The following MECOM variants were observed in gnomAD, a reference collection of about 807,000 sequenced individuals.
MECOM encodes the protein MDS1 and EVI1 complex locus, also known as histone-lysine N-methyltransferase MECOM.
A neutral mutation model predicts 116.3 loss-of-function variants in MECOM; 13 were observed. The ratio of observed to expected loss-of-function variants is 0.11; its 90% CI spans 0.07 to 0.18. The LOEUF (loss-of-function observed/expected upper bound fraction) is 0.18. Ranked by LOEUF, MECOM falls within the 10% of genes least tolerant of loss-of-function variation. The probability of loss-of-function intolerance (pLI) is 1.00; values close to 1 mark genes in which losing one functional copy is unlikely to be tolerated. For missense variants in MECOM, 1,299 were observed against 1,509.0 expected, an observed-to-expected ratio of 0.86 and a Z score of 2.31; for synonymous variants, 528 against 535.2, an observed-to-expected ratio of 0.99 and a Z score of 0.19.
chr3:169,355,040 T>C (rs776835990), intron 2 of MECOM, among the ~76,000 whole-genome samples: 1 of 151,900 alleles, frequency 6.6e-6, no homozygotes, highest in Non-Finnish European at 1.5e-5. Context: ...GCTGACTGAA[T>C]TAAAAGAACA....
intron 2 of MECOM, among the ~76,000 whole-genome samples, chr3:169,199,534 C>G (rs920117756): frequency 5.3e-5 from 8 of 152,054 alleles, no homozygotes; most frequent in African/African-American, 1.9e-4. Context: ...CTGCCTAAGC[C>G]TCTTGAAGTG....
intron 1 of MECOM, among the ~76,000 whole-genome samples, chr3:169,568,222 C>T (rs1313869335): frequency 6.6e-6 from 1 of 152,206 alleles, no homozygotes; most frequent in Non-Finnish European, 1.5e-5. Flanking sequence ...TCTTCACAAC[C>T]CGCAGACCAG....
chr3:169,111,896 CTT>C (rs1727528871), intron 9 of MECOM, among the ~76,000 whole-genome samples: 2 of 151,750 alleles, frequency 1.3e-5, no homozygotes, highest in African/African-American at 4.9e-5. Context: ...CTTGCATAAA[CTT>C]CCCCTGATTT....
chr3:169,549,417 A>C (rs79981482), intron 1 of MECOM, among the ~76,000 whole-genome samples: 3 of 151,384 alleles, frequency 2.0e-5, no homozygotes, highest in Non-Finnish European at 4.4e-5. Context: ...AAAAAAAAAA[A>C]AGCTTTCTGG....
chr3:169,576,838 C>CACACACAGAGAG (rs368016499), intron 1 of MECOM, among the ~76,000 whole-genome samples: 7 of 125,112 alleles, frequency 5.6e-5, no homozygotes, highest in East Asian at 2.7e-4. Flanking sequence ...CACACACACA[C>CACACACAGAGAG]AGAGAGAGAG....
intron 1 of MECOM, among the ~76,000 whole-genome samples, chr3:169,382,879 A>AAAAAAAAAAAAAAG (rs1358767356): frequency 9.4e-5 from 13 of 138,508 alleles, no homozygotes; most frequent in African/African-American, 1.6e-4. Flanking sequence ...AAAAATAAAA[A>AAAAAAAAAAAAAAG]AAGAAGGTAA....
At chr3:169,224,301 G>T (rs2149505266) in intron 2 of MECOM, among the ~76,000 whole-genome samples, 1 of 152,324 alleles carries the variant, frequency 6.6e-6, no homozygotes, top group South Asian at 2.1e-4. Context: ...GCCTGGCAGT[G>T]ATAGAGCATG....
intron 1 of MECOM, among the ~76,000 whole-genome samples, chr3:169,505,198 A>T (rs1162171465): frequency 6.6e-6 from 1 of 152,072 alleles, no homozygotes; most frequent in East Asian, 1.9e-4. Flanking sequence ...TACTACTATC[A>T]ATTAAGATAA....
intron 1 of MECOM, among the ~76,000 whole-genome samples, chr3:169,388,499 A>G (rs1391215906): frequency 1.3e-5 from 2 of 152,202 alleles, no homozygotes; most frequent in Non-Finnish European, 2.9e-5. Context: ...TTAAGATCCC[A>G]AAGAAACGAA....
chr3:169,191,418 G>C (rs1204228029), intron 2 of MECOM, among the ~76,000 whole-genome samples: 2 of 151,894 alleles, frequency 1.3e-5, no homozygotes, highest in African/African-American at 4.8e-5. Flanking sequence ...GATGAAGGCA[G>C]GTCTACGTTG....
intron 2 of MECOM, among the ~76,000 whole-genome samples, chr3:169,341,349 A>AC (rs1724468769): frequency 6.6e-6 from 1 of 150,450 alleles, no homozygotes; most frequent in Non-Finnish European, 1.5e-5. Flanking sequence ...AATCAAAACA[A>AC]TTGAACTCAT....
At chr3:169,232,137 C>A (rs779263924) in intron 2 of MECOM, among the ~76,000 whole-genome samples, 1 of 152,148 alleles carries the variant, frequency 6.6e-6, no homozygotes, top group African/African-American at 2.4e-5. Flanking sequence ...TTTCTGATCA[C>A]GTGAGAAGGC....
At chr3:169,540,683 C>T (rs1217752134) in intron 1 of MECOM, among the ~76,000 whole-genome samples, 1 of 152,102 alleles carries the variant, frequency 6.6e-6, no homozygotes, top group Non-Finnish European at 1.5e-5. Flanking sequence ...TAAGCCCATC[C>T]CCAGGTGCTG....
At chr3:169,407,175 C>T (rs751484681) in intron 1 of MECOM, among the ~76,000 whole-genome samples, 4 of 152,028 alleles carry the variant, frequency 2.6e-5, no homozygotes, top group Non-Finnish European at 5.9e-5. Context: ...ATAGTTCCAT[C>T]GCTCCCACCA....
intron 2 of MECOM, among the ~76,000 whole-genome samples, chr3:169,211,571 G>T (rs1481197714): frequency 6.6e-6 from 1 of 152,056 alleles, no homozygotes; most frequent in East Asian, 1.9e-4. Flanking sequence ...TCACAGATTT[G>T]CATGGCTCAA....
At chr3:169,370,311 A>G (rs576216138) in intron 2 of MECOM, among the ~76,000 whole-genome samples, 2 of 152,010 alleles carry the variant, frequency 1.3e-5, no homozygotes, top group Admixed American at 6.6e-5. Flanking sequence ...AGAAAACTGA[A>G]TATCTAACGC....
intron 1 of MECOM, among the ~76,000 whole-genome samples, chr3:169,568,435 C>T (rs898991869): frequency 6.6e-6 from 1 of 152,028 alleles, no homozygotes; most frequent in African/African-American, 2.4e-5. Context: ...GCAGATCCCA[C>T]CCCCAGAAAG....
At chr3:169,388,994 G>A (rs983851160) in intron 1 of MECOM, among the ~76,000 whole-genome samples, 6 of 152,134 alleles carry the variant, frequency 3.9e-5, no homozygotes, top group East Asian at 1.9e-4. Flanking sequence ...AATGTGATAC[G>A]GATGGAAAAT....
chr3:169,186,726 T>C (rs1337809648), intron 2 of MECOM, among the ~76,000 whole-genome samples: 5 of 152,146 alleles, frequency 3.3e-5, no homozygotes, highest in Non-Finnish European at 7.4e-5. Context: ...TTACACTTGC[T>C]AACTAACGAA....
Sources: allele counts gnomAD v4.1 joint callset (sites outside exome capture counted in the v4.1 genomes callset), GRCh38; gene constraint gnomAD v4.1.1; transcripts MANE v1.5; gene names NCBI Gene and HGNC (gene_info 2026-07-23, HGNC 2026-07-21).